The following CNTNAP2 variants were observed in gnomAD, a reference collection of about 807,000 sequenced individuals.
CNTNAP2 encodes contactin associated protein 2.
In CNTNAP2, 98 loss-of-function variants were observed where a neutral mutation model predicts 155.2. The observed-to-expected ratio is 0.63, with a 90% CI of 0.54 to 0.75. CNTNAP2 has a LOEUF of 0.75. Ranked by LOEUF, CNTNAP2 falls within the 30% of genes least tolerant of loss-of-function variation. CNTNAP2 has a pLI of 0.00. For synonymous variants in CNTNAP2, 651 were observed against 631.2 expected (o/e 1.03, Z -0.47); for missense variants, 1,727 against 1,688.1 (o/e 1.02, Z -0.40).
intron 3 of CNTNAP2, among the ~76,000 whole-genome samples, chr7:146,879,472 A>G (rs1218797637): frequency 4.6e-5 from 7 of 152,020 alleles, no homozygotes; most frequent in South Asian, 2.1e-4. Context: ...TTCATTTTCT[A>G]CAAGATTTAA....
chr7:148,160,091 T>G (rs1165543217), intron 17 of CNTNAP2, among the ~76,000 whole-genome samples: 1 of 152,076 alleles, frequency 6.6e-6, no homozygotes, highest in Non-Finnish European at 1.5e-5. Context: ...AATACAAAAA[T>G]TGGCTGGATG....
At chr7:147,633,700 G>A (rs1188646634) in intron 12 of CNTNAP2, among the ~76,000 whole-genome samples, 2 of 152,098 alleles carry the variant, frequency 1.3e-5, no homozygotes, top group African/African-American at 2.4e-5. Context: ...GTTCTCATAA[G>A]GTCTGATGGT....
chr7:146,457,093 G>A lies in CNTNAP2; in HGVS notation c.98-317178G>A, dbSNP rs555169063. Among the ~76,000 whole-genome samples the A allele has an allele frequency of 1.7e-3, 259 of 152,104 alleles. 3 individuals are homozygous for A. Among genetic ancestry groups the A allele is most frequent in the South Asian group, 0.013 (63 of 4,822 alleles). Reference sequence around the variant, plus strand: ...AGTTTTGCAGATTTTGATGTGGAAAGCACTATGGAATCAAGCCTGAGAGGA... The same window carrying A: ...AGTTTTGCAGATTTTGATGTGGAAAACACTATGGAATCAAGCCTGAGAGGA... On this transcript the variant is annotated intron_variant, in intron 1 of 23. Transcript: ENST00000361727.
intron 12 of CNTNAP2, among the ~76,000 whole-genome samples, chr7:147,599,481 C>CAAAAAAA (rs55752288): frequency 1.1e-5 from 1 of 94,808 alleles, no homozygotes; most frequent in Non-Finnish European, 2.1e-5. Context: ...AACTCTGTCT[C>CAAAAAAA]AAAAAAAAAA....
At chr7:146,684,373 A>G (rs1800557560) in intron 1 of CNTNAP2, among the ~76,000 whole-genome samples, 1 of 152,150 alleles carries the variant, frequency 6.6e-6, no homozygotes, top group African/African-American at 2.4e-5. Flanking sequence ...ATAGCTATGC[A>G]CTGACAGTTT....
chr7:147,860,130 G>GA (rs1226204168), intron 13 of CNTNAP2, among the ~76,000 whole-genome samples: 2 of 151,924 alleles, frequency 1.3e-5, no homozygotes, highest in African/African-American at 4.8e-5. Flanking sequence ...CTAATACTTT[G>GA]AAGGGATTTG....
chr7:147,196,072 T>C (rs1802793573), intron 8 of CNTNAP2, among the ~76,000 whole-genome samples: 1 of 152,104 alleles, frequency 6.6e-6, no homozygotes, highest in African/African-American at 2.4e-5. Context: ...CCCATACAGA[T>C]GAAAGACCAT....
chr7:146,518,585 C>T (rs943969942), intron 1 of CNTNAP2, among the ~76,000 whole-genome samples: 1 of 151,546 alleles, frequency 6.6e-6, no homozygotes, highest in Non-Finnish European at 1.5e-5. Flanking sequence ...CTTAATACAA[C>T]TTTTTTTTGA....
chr7:146,199,287 T>C (rs982990978), intron 1 of CNTNAP2, among the ~76,000 whole-genome samples: 2 of 152,336 alleles, frequency 1.3e-5, no homozygotes, highest in South Asian at 2.1e-4. Flanking sequence ...ATAGCAGATA[T>C]AATTGTTTAC....
intron 1 of CNTNAP2, among the ~76,000 whole-genome samples, chr7:146,600,810 G>A (rs1044352281): frequency 9.9e-5 from 15 of 152,010 alleles, no homozygotes; most frequent in Non-Finnish European, 2.2e-4. Flanking sequence ...ACATATAATA[G>A]CTGGTCAGTA....
At chr7:147,095,186 A>ATTTTTTTTT (rs36113270) in intron 4 of CNTNAP2, among the ~76,000 whole-genome samples, 9 of 114,520 alleles carry the variant, frequency 7.9e-5, no homozygotes, top group African/African-American at 1.6e-4. Flanking sequence ...CGCCTGGCTA[A>ATTTTTTTTT]TTTTTTTTTT....
rs79286611 is a variant in CNTNAP2, at chr7:146,807,530, A to G, written c.209-32181A>G. On this transcript the variant is annotated intron_variant, in intron 2 of 23. Transcript: ENST00000361727. ...TGTAAATTATTTGATCAGTAAATCT[A>G]TAAATATTATGCCAATTTACATTTG... Among the ~76,000 whole-genome samples, 346 of 152,296 alleles carry G rather than the reference A, an allele frequency of 2.3e-3. 4 individuals are homozygous for G. The highest frequency in any genetic ancestry group is 7.9e-3 in the African/African-American group (327 of 41,584).
chr7:147,162,991 G>A (rs780382521), intron 8 of CNTNAP2, among the ~76,000 whole-genome samples: 36 of 152,060 alleles, frequency 2.4e-4, no homozygotes, highest in African/African-American at 6.3e-4. Context: ...TGCTCTTCTC[G>A]TGGCGATGAT....
At chr7:146,911,498 C>A (rs1269723751) in intron 3 of CNTNAP2, among the ~76,000 whole-genome samples, 1 of 151,920 alleles carries the variant, frequency 6.6e-6, no homozygotes, top group East Asian at 1.9e-4. Context: ...GAGTTCATAT[C>A]CTTTGTAGGG....
chr7:146,947,797 T>C (rs188044223), intron 3 of CNTNAP2, among the ~76,000 whole-genome samples: 3 of 151,486 alleles, frequency 2.0e-5, no homozygotes, highest in African/African-American at 4.8e-5. Context: ...TCCCAGCTAC[T>C]CAGGAGACTG....
Position 146,199,825 on chromosome 7 carries a change from C to A in CNTNAP2, c.97+82852C>A, listed in dbSNP as rs1798831318. 2.0e-5 allele frequency among the ~76,000 whole-genome samples: 3 copies of A among 152,128 alleles called. No individual in the cohort carries two copies. In the South Asian group the frequency reaches 6.2e-4, roughly 32 times the overall value. ...TTTTAATAAAAATTACACACAACTT[C>A]TCATTGCTTTTCTTTTCTTAAAGAT... On this transcript the variant is annotated intron_variant, in intron 1 of 23. Transcript: ENST00000361727.
intron 1 of CNTNAP2, among the ~76,000 whole-genome samples, chr7:146,250,359 A>G (rs1045091551): frequency 5.3e-5 from 8 of 152,288 alleles, no homozygotes; most frequent in African/African-American, 1.9e-4. Context: ...GTTGCTCGTT[A>G]ATTTTGAGTT....
chr7:147,767,122 C>T (rs904775085), intron 13 of CNTNAP2, among the ~76,000 whole-genome samples: 1 of 152,046 alleles, frequency 6.6e-6, no homozygotes, highest in Admixed American at 6.6e-5. Flanking sequence ...AAAACAGTTG[C>T]TTGATACAAA....
At chr7:147,474,168 G>A (rs572109929) in intron 10 of CNTNAP2, among the ~76,000 whole-genome samples, 2 of 152,254 alleles carry the variant, frequency 1.3e-5, no homozygotes, top group African/African-American at 4.8e-5. Context: ...GACCTACACA[G>A]ATAATGCAGG....
Sources: allele counts gnomAD v4.1 joint callset (sites outside exome capture counted in the v4.1 genomes callset), GRCh38; gene constraint gnomAD v4.1.1; transcripts MANE v1.5; gene names NCBI Gene and HGNC (gene_info 2026-07-23, HGNC 2026-07-21).